Variants in TMEM117 observed in about 807,000 individuals in gnomAD.
The protein encoded by TMEM117 is transmembrane protein 117.
In TMEM117, 27 loss-of-function variants were observed where a neutral mutation model predicts 52.4. The ratio of observed to expected loss-of-function variants is 0.51; its 90% confidence interval spans 0.38 to 0.71. The LOEUF is 0.71. Ranked by LOEUF, TMEM117 falls within the 30% of genes least tolerant of loss-of-function variation. The probability of loss-of-function intolerance (pLI) is 0.00; values close to 1 mark genes in which losing one functional copy is unlikely to be tolerated. For missense variants in TMEM117, 556 were observed against 630.5 expected (o/e 0.88, Z 1.26); for synonymous variants, 215 against 206.3 (o/e 1.04, Z -0.36).
At chr12:43,837,121 G>A (rs1943045044) in intron 1 of TMEM117, among the ~76,000 whole-genome samples, 1 of 151,956 alleles carries the variant, frequency 6.6e-6, no homozygotes. Context: ...TAGTTTAAAA[G>A]TAATTATGGA....
intron 5 of TMEM117, among the ~76,000 whole-genome samples, chr12:44,222,860 A>G (rs887361320): frequency 1.3e-5 from 2 of 152,330 alleles, no homozygotes; most frequent in African/African-American, 2.4e-5. Context: ...CTATAATGCC[A>G]CAAACTAGGC....
chr12:44,240,318 T>C (rs963549294), intron 5 of TMEM117, among the ~76,000 whole-genome samples: 5 of 152,156 alleles, frequency 3.3e-5, no homozygotes, highest in African/African-American at 1.2e-4. Context: ...GAAAGGAACA[T>C]GTCTCTTTCT....
chr12:43,921,381 A>G (rs1394495509), intron 2 of TMEM117, among the ~76,000 whole-genome samples: 1 of 152,168 alleles, frequency 6.6e-6, no homozygotes, highest in Non-Finnish European at 1.5e-5. Flanking sequence ...AGTATCTGGT[A>G]GAGAGAGAAT....
At chr12:44,370,191 A>C (rs1379550451) in intron 6 of TMEM117, among the ~76,000 whole-genome samples, 1 of 152,162 alleles carries the variant, frequency 6.6e-6, no homozygotes, top group Non-Finnish European at 1.5e-5. Context: ...GACTTGGTTC[A>C]ACCCAACAAA....
chr12:44,104,908 A>T (rs939515041), intron 3 of TMEM117, among the ~76,000 whole-genome samples: 4 of 152,014 alleles, frequency 2.6e-5, no homozygotes, highest in Non-Finnish European at 5.9e-5. Flanking sequence ...CAAGATTTTT[A>T]AAAAATATAT....
intron 2 of TMEM117, among the ~76,000 whole-genome samples, chr12:43,938,459 C>T (rs1190022537): frequency 6.6e-6 from 1 of 151,752 alleles, no homozygotes; most frequent in African/African-American, 2.4e-5. Context: ...AAGCAGCCCT[C>T]AGGTTGTTAT....
At position 43,909,237 on chromosome 12, in the gene TMEM117, C is replaced by T. The variant is rs1340977650; in HGVS notation, c.278-34973C>T. On this transcript the variant is annotated intron_variant, in intron 2 of 7. Transcript: ENST00000266534. The stretch of plus-strand genomic sequence containing the variant: ...TACATGGAAACTGAACAACCTGCTC[C>T]GGAATGACTACTGGGTACATAACGA... Among the ~76,000 whole-genome samples the T allele has an allele frequency of 5.2e-5, 3 of 58,192 alleles. 1 individual carries two copies. Among genetic ancestry groups the T allele is most frequent in the Non-Finnish European group, 1.1e-4 (2 of 17,900 alleles). 38.2% of individuals were successfully genotyped at this position (58,192 alleles called of 152,430 possible).
the TMEM117 span, chr12:43,804,227 C>A: frequency 2.1e-6 from 1 of 482,586 alleles, no homozygotes. Flanking sequence ...TAGAAATGGA[C>A]TGTGGTGCAG....
intron 2 of TMEM117, among the ~76,000 whole-genome samples, chr12:43,905,586 C>A (rs4537822): frequency 0.7 from 106,694 of 151,858 alleles, 41,301 homozygotes; most frequent in East Asian, 0.87. Flanking sequence ...AGAAAGTTGT[C>A]TTTCTGGGCT....
chr12:43,929,508 A>G, intron 2 of TMEM117, among the ~76,000 whole-genome samples: 1 of 152,138 alleles, frequency 6.6e-6, no homozygotes, highest in East Asian at 1.9e-4. Flanking sequence ...GAAATTCCAC[A>G]TCTTTAACAG....
chr12:43,951,455 G>A (rs952056784), intron 3 of TMEM117, among the ~76,000 whole-genome samples: 1 of 152,190 alleles, frequency 6.6e-6, no homozygotes, highest in African/African-American at 2.4e-5. Context: ...AGTTGCCAGG[G>A]GGAGGGGAAG....
intron 6 of TMEM117, among the ~76,000 whole-genome samples, chr12:44,329,880 A>G (rs182268414): frequency 6.6e-6 from 1 of 152,126 alleles, no homozygotes; most frequent in East Asian, 1.9e-4. Context: ...CTTTGTATGT[A>G]TATACCGTAT....
chr12:44,124,613 G>A (rs1350183240), intron 3 of TMEM117, among the ~76,000 whole-genome samples: 3 of 152,132 alleles, frequency 2.0e-5, no homozygotes, highest in Admixed American at 6.5e-5. Flanking sequence ...TTAACGTGAA[G>A]AAATGTTGAA....
chr12:43,865,506 G>A (rs1943576328), intron 2 of TMEM117, among the ~76,000 whole-genome samples: 2 of 152,004 alleles, frequency 1.3e-5, no homozygotes, highest in Admixed American at 1.3e-4. Context: ...AGACCAGCCT[G>A]GCCAGCATCA....
intron 4 of TMEM117, among the ~76,000 whole-genome samples, chr12:44,172,171 TTC>T (rs1384010201): frequency 8.5e-5 from 13 of 152,212 alleles, no homozygotes; most frequent in African/African-American, 2.9e-4. Flanking sequence ...GGATTGCACA[TTC>T]TGTTATTTAC....
In TMEM117 at chr12:44,343,274, G is replaced by A. The variant is rs550162687; in HGVS notation, c.769-33321G>A. On this transcript the variant is annotated intron_variant, in intron 6 of 7. Transcript: ENST00000266534. ...GGCCGGAAAAGAGACTTTGCCTAGG[G>A]GAAGTGGTGATGAGAATATTTCCAA... is the stretch of plus-strand genomic sequence containing the variant. 2.4e-4 allele frequency among the ~76,000 whole-genome samples: 37 copies of A among 151,946 alleles called. No homozygotes were observed. In the East Asian group the frequency reaches 6.6e-3, roughly 27 times the overall value.
intron 4 of TMEM117, among the ~76,000 whole-genome samples, chr12:44,182,573 G>A (rs887383997): frequency 6.6e-6 from 1 of 152,186 alleles, no homozygotes; most frequent in African/African-American, 2.4e-5. Context: ...AGAGCTATCT[G>A]TGACAAACCC....
At chr12:44,124,804 C>G (rs941724233) in intron 3 of TMEM117, among the ~76,000 whole-genome samples, 2 of 152,104 alleles carry the variant, frequency 1.3e-5, no homozygotes, top group Non-Finnish European at 2.9e-5. Context: ...TTCGGTTTGT[C>G]AATATTTTGT....
chr12:43,798,483 CT>C, the TMEM117 span: 2 of 1,382,608 alleles, frequency 1.4e-6, no homozygotes, highest in Non-Finnish European at 9.5e-7. Flanking sequence ...AGAAATTTTA[CT>C]TTTAAAAAAA....
Sources: allele counts gnomAD v4.1 joint callset (sites outside exome capture counted in the v4.1 genomes callset), GRCh38; gene constraint gnomAD v4.1.1; transcripts MANE v1.5; gene names NCBI Gene and HGNC (gene_info 2026-07-23, HGNC 2026-07-21).